DLGAP2: variants seen among roughly 807,000 people sequenced by gnomAD.
DLGAP2 encodes the protein disks large-associated protein 2.
DLGAP2 carries 26 observed loss-of-function variants against 100.3 expected under a neutral mutation model. The observed-to-expected ratio is 0.26, with a 90% confidence interval of 0.19 to 0.36. The LOEUF (loss-of-function observed/expected upper bound fraction) is 0.36, where lower values mean the gene tolerates loss of function less well. Among genes scored for constraint, DLGAP2 ranks in the 10% least tolerant of loss-of-function variants. The pLI, the probability that DLGAP2 is intolerant of heterozygous loss-of-function variation, is 1.00. For synonymous variants in DLGAP2, 886 were observed against 630.1 expected, an observed-to-expected ratio of 1.41 and a Z score of -6.08; for missense variants, 1,858 against 1,453.2, an observed-to-expected ratio of 1.28 and a Z score of -4.53.
chr8:1,441,085 C>T (rs1213947105), intron 3 of DLGAP2, among the ~76,000 whole-genome samples: 1 of 151,954 alleles, frequency 6.6e-6, no homozygotes, highest in East Asian at 1.9e-4. Context: ...AGTCTATGTT[C>T]GAAACATAAT....
chr8:1,096,189 C>G (rs1460434341), intron 2 of DLGAP2, among the ~76,000 whole-genome samples: 8 of 152,192 alleles, frequency 5.3e-5, no homozygotes. Context: ...GGCTGACTTT[C>G]CATGGTTGCT....
intron 3 of DLGAP2, among the ~76,000 whole-genome samples, chr8:1,383,818 G>A (rs114795944): frequency 2.6e-4 from 39 of 152,300 alleles, no homozygotes; most frequent in South Asian, 8.3e-4. Context: ...AGCTCCCAGC[G>A]AGCACTTTCC....
At chr8:1,074,050 C>G (rs541238784) in intron 2 of DLGAP2, among the ~76,000 whole-genome samples, 3 of 141,158 alleles carry the variant, frequency 2.1e-5, no homozygotes, top group South Asian at 2.3e-4. Flanking sequence ...TCAGGATTCA[C>G]TGTCACAGAA....
chr8:1,678,241 C>T lies in DLGAP2; in HGVS notation c.2316C>T (p.Ser772=), dbSNP rs374604132. The part of the protein sequence containing the change: ...KRHGRFKRSN[S]VTAAVQADLE... ...ACGGACGTTTTAAACGTTCTAACAG[C>T]GTCACGGCCGCCGTCCAAGCTGACC... Residue 772 remains serine, a synonymous_variant, in exon 12 of 15, where the codon AGC becomes AGT. Coordinates refer to ENST00000637795, the MANE Select transcript of DLGAP2 (RefSeq NM_001346810.2). 6.2e-6 allele frequency: 10 copies of T among 1,613,314 alleles called. No homozygotes were observed. Among genetic ancestry groups the T allele is most frequent in the Admixed American group, 1.7e-5 (1 of 59,986 alleles).
intron 2 of DLGAP2, among the ~76,000 whole-genome samples, chr8:973,059 C>T (rs544680712): frequency 6.6e-6 from 1 of 152,392 alleles, no homozygotes; most frequent in Admixed American, 6.5e-5. Flanking sequence ...TCTATCTTTT[C>T]ACCACATTTC....
intron 3 of DLGAP2, among the ~76,000 whole-genome samples, chr8:1,298,848 G>A (rs1290235912): frequency 6.6e-6 from 1 of 152,168 alleles, no homozygotes; most frequent in Non-Finnish European, 1.5e-5. Flanking sequence ...CTGGTAATTC[G>A]AATGTCCCAG....
chr8:1,049,655 A>G (rs1168372889), intron 2 of DLGAP2, among the ~76,000 whole-genome samples: 1 of 152,074 alleles, frequency 6.6e-6, no homozygotes, highest in Non-Finnish European at 1.5e-5. Context: ...GGACACACAC[A>G]AGCAGAGACA....
intron 3 of DLGAP2, among the ~76,000 whole-genome samples, chr8:1,448,723 G>T (rs1456072239): frequency 6.6e-6 from 1 of 152,148 alleles, no homozygotes; most frequent in Non-Finnish European, 1.5e-5. Context: ...GTTTTTAAAT[G>T]TACTTTTTTC....
chr8:910,104 G>A lies in DLGAP2; in HGVS notation c.73+2138G>A, dbSNP rs530863827. On this transcript the variant is annotated intron_variant, in intron 2 of 14. Transcript: ENST00000637795. ...AGTTCTGCAGATGGAGGGTGGGGACGGCTGCCCGGCCGTGAGAATGTAGCG... is the reference window on the plus strand; with the variant it reads ...AGTTCTGCAGATGGAGGGTGGGGACAGCTGCCCGGCCGTGAGAATGTAGCG... 3.3e-5 allele frequency among the ~76,000 whole-genome samples: 5 copies of A among 152,296 alleles called. No homozygotes were observed. The South Asian group carries it at 6.2e-4, about 19-fold the overall frequency.
At chr8:1,007,259 G>A (rs1189103892) in intron 2 of DLGAP2, among the ~76,000 whole-genome samples, 2 of 152,172 alleles carry the variant, frequency 1.3e-5, no homozygotes, top group African/African-American at 4.8e-5. Context: ...GTGTCTGCAC[G>A]GGTTGTCTCT....
At chr8:866,394 A>C (rs1230425494) in intron 1 of DLGAP2, among the ~76,000 whole-genome samples, 1 of 152,220 alleles carries the variant, frequency 6.6e-6, no homozygotes, top group Non-Finnish European at 1.5e-5. Flanking sequence ...AGGAGAGCCC[A>C]GGGCCTGGGA....
intron 2 of DLGAP2, among the ~76,000 whole-genome samples, chr8:1,087,145 G>T (rs992157261): frequency 2.6e-5 from 4 of 152,166 alleles, no homozygotes; most frequent in Non-Finnish European, 4.4e-5. Flanking sequence ...ACAATGTGCA[G>T]AAAAGAGAAA....
chr8:768,418 A>ATTTT (rs58234397), intron 1 of DLGAP2, among the ~76,000 whole-genome samples: 72 of 99,934 alleles, frequency 7.2e-4, no homozygotes, highest in African/African-American at 9.5e-4. Flanking sequence ...GAAGGCGTTG[A>ATTTT]TTTTTTTTTT....
At chr8:1,302,440 A>C (rs995350177) in intron 3 of DLGAP2, 2 of 125,166 alleles carry the variant, frequency 1.6e-5, no homozygotes, top group African/African-American at 2.9e-5. Flanking sequence ...CACACCTGGG[A>C]CCGGACTCGG....
chr8:1,346,432 T>TCC (rs1801557932), intron 3 of DLGAP2, among the ~76,000 whole-genome samples: 1 of 134,550 alleles, frequency 7.4e-6, no homozygotes, highest in Non-Finnish European at 1.6e-5. Flanking sequence ...GAGTTCCCTG[T>TCC]ACACATCTGC....
At chr8:1,294,678 TAA>T in intron 3 of DLGAP2, among the ~76,000 whole-genome samples, 1 of 152,266 alleles carries the variant, frequency 6.6e-6, no homozygotes, top group Admixed American at 6.5e-5. Context: ...CCCATTGAAA[TAA>T]TGTTGTATGT....
intron 2 of DLGAP2, among the ~76,000 whole-genome samples, chr8:938,866 T>C (rs973068672): frequency 1.7e-4 from 26 of 151,908 alleles, no homozygotes; most frequent in Non-Finnish European, 3.2e-4. Context: ...GGAGAGAAAA[T>C]GGCAGAAACT....
Position 1,037,808 on chromosome 8 carries a change from C to T in DLGAP2, c.73+129842C>T, listed in dbSNP as rs569162729. ...CTTGTCTCAGCCAGGGGCTCTCCAGCGTTAATATGTGTCAGAATCACCCTG... is the reference window on the plus strand; with the variant it reads ...CTTGTCTCAGCCAGGGGCTCTCCAGTGTTAATATGTGTCAGAATCACCCTG... On this transcript the variant is annotated intron_variant, in intron 2 of 14. Coordinates refer to ENST00000637795, the MANE Select transcript of DLGAP2 (RefSeq NM_001346810.2). 8.8e-4 allele frequency among the ~76,000 whole-genome samples: 134 copies of T among 152,276 alleles called. 1 individual carries two copies. Among genetic ancestry groups the T allele is most frequent in the African/African-American group, 3.1e-3 (129 of 41,572 alleles).
At chr8:1,096,551 T>C (rs1418932726) in intron 2 of DLGAP2, among the ~76,000 whole-genome samples, 7 of 140,124 alleles carry the variant, frequency 5.0e-5, no homozygotes, top group South Asian at 2.4e-4. Flanking sequence ...CACCTCCCTG[T>C]GCTCAGGAGA....
Sources: allele counts gnomAD v4.1 joint callset (sites outside exome capture counted in the v4.1 genomes callset), GRCh38; gene constraint gnomAD v4.1.1; transcripts MANE v1.5; gene names NCBI Gene and HGNC (gene_info 2026-07-23, HGNC 2026-07-21).